TACR1: variants seen among roughly 807,000 people sequenced by gnomAD.
TACR1 encodes tachykinin receptor 1.
A neutral mutation model predicts 35.8 loss-of-function variants in TACR1; 25 were observed. The ratio of observed to expected loss-of-function variants is 0.70; its 90% CI spans 0.51 to 0.98. The LOEUF (loss-of-function observed/expected upper bound fraction) is 0.98, where lower values mean the gene tolerates loss of function less well. TACR1 is among the 50% of genes least tolerant of loss of function. The probability of loss-of-function intolerance (pLI) is 0.00; values close to 1 mark genes in which losing one functional copy is unlikely to be tolerated. For missense variants in TACR1, 478 were observed against 522.9 expected, an observed-to-expected ratio of 0.91 and a Z score of 0.84; for synonymous variants, 195 against 206.7, an observed-to-expected ratio of 0.94 and a Z score of 0.48.
At chr2:75,173,534 A>G (rs1675341843) in intron 1 of TACR1, among the ~76,000 whole-genome samples, 2 of 152,190 alleles carry the variant, frequency 1.3e-5, no homozygotes, top group East Asian at 3.9e-4. Flanking sequence ...TACTTGACAA[A>G]TAAATCTTGT....
chr2:75,077,547 C>T (rs749490882), intron 2 of TACR1, among the ~76,000 whole-genome samples: 4 of 152,244 alleles, frequency 2.6e-5, no homozygotes, highest in Non-Finnish European at 5.9e-5. Context: ...AATACACAAA[C>T]ATCCTGGTAA....
chr2:75,076,790 T>TA (rs1233018313), intron 2 of TACR1, among the ~76,000 whole-genome samples: 1 of 152,194 alleles, frequency 6.6e-6, no homozygotes, highest in African/African-American at 2.4e-5. Context: ...GATTGTGTTC[T>TA]AACTTCTGAG....
At chr2:75,160,534 A>C (rs1674981583) in intron 1 of TACR1, among the ~76,000 whole-genome samples, 1 of 152,022 alleles carries the variant, frequency 6.6e-6, no homozygotes, top group South Asian at 2.1e-4. Context: ...AAAAGGCAGG[A>C]ATAAAGAATG....
At chr2:75,154,077 C>T (rs1674740023) in intron 1 of TACR1, among the ~76,000 whole-genome samples, 1 of 152,132 alleles carries the variant, frequency 6.6e-6, no homozygotes. Flanking sequence ...GTGGGGCTTG[C>T]TGTGCACAAC....
intron 2 of TACR1, among the ~76,000 whole-genome samples, chr2:75,088,365 TCCAG>T (rs1673229381): frequency 2.6e-5 from 4 of 152,290 alleles, no homozygotes; most frequent in African/African-American, 9.6e-5. Context: ...TCCTGAAATC[TCCAG>T]CCTTTTTATT....
chr2:75,135,887 T>C (rs1236703037), intron 1 of TACR1, among the ~76,000 whole-genome samples: 6 of 152,076 alleles, frequency 3.9e-5, no homozygotes, highest in Admixed American at 3.9e-4. Context: ...TGATTCACCC[T>C]CTCCCACCTC....
intron 1 of TACR1, among the ~76,000 whole-genome samples, chr2:75,167,883 A>T (rs1040101828): frequency 2.6e-5 from 4 of 152,188 alleles, no homozygotes; most frequent in African/African-American, 7.2e-5. Flanking sequence ...TAGAAAAATG[A>T]TACCATTGTT....
In TACR1 at chr2:75,150,214, T is replaced by C. The variant is rs186040755; in HGVS notation, c.390-29446A>G. 6.9e-4 allele frequency among the ~76,000 whole-genome samples: 105 copies of C among 152,320 alleles called. 1 individual carries two copies. In the South Asian group the frequency reaches 0.015, roughly 21 times the overall value. ...ATAAGGCTTAAAAAGGTGAATGACA[T>C]TGAATTGCCCTTGAAAAGCTCAGAA... is the stretch of plus-strand genomic sequence containing the variant. On this transcript the variant is annotated intron_variant, in intron 1 of 4. Coordinates refer to ENST00000305249, the MANE Select transcript of TACR1 (RefSeq NM_001058.4).
At chr2:75,189,940 A>G (rs1387493438) in intron 1 of TACR1, 3 of 152,226 alleles carry the variant, frequency 2.0e-5, no homozygotes, top group Non-Finnish European at 4.4e-5. Context: ...AATATGTAAG[A>G]TTGATTTGAT....
chr2:75,165,882 G>C (rs1237322145), intron 1 of TACR1, among the ~76,000 whole-genome samples: 3 of 152,158 alleles, frequency 2.0e-5, no homozygotes, highest in Non-Finnish European at 4.4e-5. Flanking sequence ...CCGTTGTATA[G>C]CAAACTCTTG....
At chr2:75,095,335 G>T (rs1673401394) in intron 2 of TACR1, among the ~76,000 whole-genome samples, 2 of 152,090 alleles carry the variant, frequency 1.3e-5, no homozygotes, top group African/African-American at 4.8e-5. Context: ...CAGCCTTCAG[G>T]TAATCAGCCA....
intron 2 of TACR1, chr2:75,118,699 A>C (rs1673909878): frequency 6.6e-6 from 1 of 152,258 alleles, no homozygotes; most frequent in South Asian, 2.1e-4. Context: ...GAGTATTTTG[A>C]AACAAAAGTT....
chr2:75,198,947 C>T lies in TACR1; in HGVS notation c.-13G>A, dbSNP rs755219415. ...GGACGTTATCCATTTCGAAGCTAGG[C>T]GGTAAAGCCCTACTATCTGTACACA... On this transcript the variant is annotated 5_prime_UTR_variant, in exon 1 of 5. Transcript: ENST00000305249. 4.3e-6 allele frequency: 7 copies of T among 1,610,860 alleles called. No homozygotes were observed. In the South Asian group the frequency reaches 4.4e-5, roughly 10 times the overall value.
intron 2 of TACR1, among the ~76,000 whole-genome samples, chr2:75,084,825 T>C (rs1673160786): frequency 6.6e-6 from 1 of 152,204 alleles, no homozygotes; most frequent in Non-Finnish European, 1.5e-5. Context: ...TCTTTTCTTT[T>C]TTATTAGTCT....
chr2:75,057,829 A>G (rs549405990), intron 2 of TACR1, among the ~76,000 whole-genome samples: 21 of 152,342 alleles, frequency 1.4e-4, no homozygotes, highest in Non-Finnish European at 2.4e-4. Flanking sequence ...TGATGGTTGC[A>G]CAACATTGTG....
At chr2:75,153,317 G>T (rs1355261311) in intron 1 of TACR1, among the ~76,000 whole-genome samples, 3 of 152,220 alleles carry the variant, frequency 2.0e-5, no homozygotes, top group African/African-American at 7.2e-5. Flanking sequence ...CACAGGAATT[G>T]TCAGAAATCT....
intron 1 of TACR1, among the ~76,000 whole-genome samples, chr2:75,141,304 A>G (rs965190736): frequency 3.9e-5 from 6 of 152,230 alleles, no homozygotes; most frequent in African/African-American, 1.2e-4. Flanking sequence ...GGAGTTTTAA[A>G]TGTTAACTTT....
intron 2 of TACR1, among the ~76,000 whole-genome samples, chr2:75,114,865 C>T (rs1673818807): frequency 6.6e-6 from 1 of 152,180 alleles, no homozygotes; most frequent in Non-Finnish European, 1.5e-5. Flanking sequence ...ATGAGCCTAA[C>T]TCCCCATTTT....
At chr2:75,160,425 T>A (rs1431314537) in intron 1 of TACR1, among the ~76,000 whole-genome samples, 3 of 152,098 alleles carry the variant, frequency 2.0e-5, no homozygotes, top group Non-Finnish European at 4.4e-5. Flanking sequence ...ATGGTAGTTT[T>A]GGACTTTAAA....
Sources: gnomAD v4.1 joint callset for allele counts (sites outside exome capture counted in the v4.1 genomes callset) on GRCh38, gnomAD v4.1.1 for gene constraint, MANE v1.5 for transcripts, NCBI Gene and HGNC (gene_info 2026-07-23, HGNC 2026-07-21) for gene names.